MYLK3: variants seen among roughly 807,000 people sequenced by gnomAD.
The protein encoded by MYLK3 is myosin light chain kinase 3, also known as MLC kinase.
In MYLK3, 55 loss-of-function variants were observed where a neutral mutation model predicts 76.3. The ratio of observed to expected loss-of-function variants is 0.72; its 90% CI spans 0.58 to 0.90. The LOEUF is 0.90. Ranked by LOEUF, MYLK3 falls within the 40% of genes least tolerant of loss-of-function variation. MYLK3 has a pLI of 0.00. For missense variants in MYLK3, 973 were observed against 1,053.6 expected (o/e 0.92, Z 1.06); for synonymous variants, 416 against 425.4 (o/e 0.98, Z 0.27).
At chr16:46,758,840 A>G in intron 1 of MYLK3, among the ~76,000 whole-genome samples, 1 of 152,020 alleles carries the variant, frequency 6.6e-6, no homozygotes, top group East Asian at 1.9e-4. Context: ...GTGAGACTGG[A>G]TATAGGCTCG....
intron 1 of MYLK3, among the ~76,000 whole-genome samples, chr16:46,747,046 A>AC (rs1967038625): frequency 6.6e-6 from 1 of 151,968 alleles, no homozygotes; most frequent in African/African-American, 2.4e-5. Flanking sequence ...TAAGTGGCTG[A>AC]CCCCTAGCTG....
rs1966604653 is a variant in MYLK3, at chr16:46,704,328, C to T, written c.*3376G>A. 1 of 152,244 alleles carries T rather than the reference C, an allele frequency of 6.6e-6. No individual in the cohort carries two copies. The highest frequency in any genetic ancestry group is 1.5e-5 in the Non-Finnish European group (1 of 68,070). 9.4% of individuals were successfully genotyped at this position (152,244 alleles called of 1,614,324 possible). A position where few individuals can be genotyped will look rare whatever the true frequency, so the allele number is the denominator to read the frequency against. On this transcript the variant is annotated 3_prime_UTR_variant, in exon 13 of 13. Coordinates refer to ENST00000394809, the MANE Select transcript of MYLK3 (RefSeq NM_182493.3). ...CCATGTTGGCCAGCAATCTGCCCAC[C>T]TTGGCCTCCCAAAGTGCTGGGATTA... is the stretch of plus-strand genomic sequence containing the variant.
At chr16:46,758,357 C>G (rs1287935915) in intron 1 of MYLK3, among the ~76,000 whole-genome samples, 2 of 149,888 alleles carry the variant, frequency 1.3e-5, no homozygotes. Context: ...TTTGGGACCA[C>G]AAATTAACTA....
chr16:46,746,503 C>T (rs1967025864), intron 1 of MYLK3, among the ~76,000 whole-genome samples: 2 of 152,182 alleles, frequency 1.3e-5, no homozygotes, highest in Admixed American at 1.3e-4. Context: ...TCACCGAAGC[C>T]TCCATTTCCA....
chr16:46,747,590 TC>T, intron 1 of MYLK3, 126 bp downstream of exon 1: 1 of 908,158 alleles, frequency 1.1e-6, no homozygotes, highest in African/African-American at 1.7e-5. Context: ...GCTCTCCTTT[TC>T]CCCATCAACA....
intron 10 of MYLK3, 191 bp from the exon 11 acceptor site, chr16:46,710,980 TA>T: frequency 3.1e-6 from 2 of 644,522 alleles, no homozygotes; most frequent in South Asian, 3.9e-5. Context: ...CGGAAGGATT[TA>T]AAATTTGGAG....
At chr16:46,743,982 G>C (rs1344918063) in intron 1 of MYLK3, among the ~76,000 whole-genome samples, 2 of 152,220 alleles carry the variant, frequency 1.3e-5, no homozygotes, top group East Asian at 3.9e-4. Flanking sequence ...AGCTTTAAGA[G>C]ACATATAAAT....
rs992584497 is a variant in MYLK3 at position 46,706,247 on chromosome 16, G to A, written c.*1457C>T. 14 of 149,460 alleles carry A rather than the reference G, an allele frequency of 9.4e-5. No homozygotes were observed. Among genetic ancestry groups the A allele is most frequent in the South Asian group, 2.1e-4 (1 of 4,746 alleles). 9.3% of individuals were successfully genotyped at this position (149,460 alleles called of 1,614,324 possible). A position where few individuals can be genotyped will look rare whatever the true frequency, so the allele number is the denominator to read the frequency against. ...AATACCCATACACACATATGTGTTC[G>A]TGTGTGTGTGTGTTTGTGTGTGTGT... is the stretch of plus-strand genomic sequence containing the variant. On this transcript the variant is annotated 3_prime_UTR_variant, in exon 13 of 13. Transcript: ENST00000394809.
chr16:46,707,734 G>A lies in MYLK3; in HGVS notation c.2430C>T (p.Asn810=), dbSNP rs1245660523. ...KKHFYVVTAA[N]RLRKFPTSP is the part of the protein sequence containing the mutation. Reference sequence around the variant, plus strand: ...GAGAAGTTGGAAATTTCCTTAACCTGTTGGCAGCAGTCACCACATAGAAAT... The same window carrying A: ...GAGAAGTTGGAAATTTCCTTAACCTATTGGCAGCAGTCACCACATAGAAAT... The change falls in exon 13 of 13, where the codon AAC becomes AAT. Residue 810 remains asparagine, a synonymous_variant. Coordinates refer to ENST00000394809, the MANE Select transcript of MYLK3 (RefSeq NM_182493.3). 2 of 1,613,022 alleles carry A rather than the reference G, an allele frequency of 1.2e-6. No homozygotes were observed. The highest frequency in any genetic ancestry group is 2.2e-5 in the East Asian group (1 of 44,868).
intron 4 of MYLK3, among the ~76,000 whole-genome samples, chr16:46,731,256 G>C (rs1170143990): frequency 1.3e-5 from 2 of 152,258 alleles, no homozygotes; most frequent in African/African-American, 2.4e-5. Flanking sequence ...TGGGGAGGGG[G>C]TGGACAGGGG....
intron 1 of MYLK3, chr16:46,762,948 A>G: frequency 2.1e-6 from 2 of 944,564 alleles, no homozygotes; most frequent in Non-Finnish European, 2.5e-6. Context: ...CAGACTCCAA[A>G]AGTGTTTTCT....
chr16:46,747,852 G>A lies in MYLK3; in HGVS notation c.342C>T (p.Leu114=). 3.1e-6 allele frequency: 5 copies of A among 1,614,160 alleles called. No individual in the cohort carries two copies. The highest frequency in any genetic ancestry group is 4.2e-6 in the Non-Finnish European group (5 of 1,180,030). The change falls in exon 1 of 13, where the codon CTC becomes CTT. Residue 114 remains leucine, a synonymous_variant. Coordinates refer to ENST00000394809, the MANE Select transcript of MYLK3 (RefSeq NM_182493.3). ...TGTCCACCGCAGCCACCATCCTGAAGAGGGCCTCCAGCCTGGCACCGTGCT... is the reference window on the plus strand; with the variant it reads ...TGTCCACCGCAGCCACCATCCTGAAAAGGGCCTCCAGCCTGGCACCGTGCT... The part of the protein sequence containing the change: ...AAQHGARLEA[L]FRMVAAVDRA...
Position 46,737,940 on chromosome 16 carries a change from G to C in MYLK3, c.772C>G (p.Leu258Val). 1 of 1,614,218 alleles carries C rather than the reference G, an allele frequency of 6.2e-7. No homozygotes were observed. The highest frequency in any genetic ancestry group is 8.5e-7 in the Non-Finnish European group (1 of 1,180,042). The change falls in exon 3 of 13, where the codon CTC (leucine) becomes GTC (valine). Residue 258 changes from leucine (L) to valine (V), a missense_variant. By Grantham distance (32) the Leu-to-Val change is conservative. Around this residue, in one of 2 missense-constraint regions of MYLK3, gnomAD observed 641 missense variants for 637.0 expected, o/e 1.01. Coordinates refer to ENST00000394809, the MANE Select transcript of MYLK3 (RefSeq NM_182493.3). ...AKAPETPSENLRTGLELAPAP... is the reference protein window; with the variant it reads ...AKAPETPSENVRTGLELAPAP... ...GGAGCCAATTCCAGGCCAGTCCTGAGGTTCTCGCTGGGTGTCTCAGGAGCC... is the reference window on the plus strand; with the variant it reads ...GGAGCCAATTCCAGGCCAGTCCTGACGTTCTCGCTGGGTGTCTCAGGAGCC...
chr16:46,737,982 T>C lies in MYLK3; in HGVS notation c.730A>G (p.Thr244Ala), dbSNP rs146368832. 11 of 1,613,894 alleles carry C rather than the reference T, an allele frequency of 6.8e-6. No homozygotes were observed. Among genetic ancestry groups the C allele is most frequent in the Non-Finnish European group, 9.3e-6 (11 of 1,180,018 alleles). ...QAFPGHLPLP[T>A]KVEAKAPETP... ...TCAGGAGCCTTGGCTTCCACCTTTGTGGGCAGGGGCAGGTGGCCAGGGAAT... is the reference window on the plus strand; with the variant it reads ...TCAGGAGCCTTGGCTTCCACCTTTGCGGGCAGGGGCAGGTGGCCAGGGAAT... The change falls in exon 3 of 13, where the codon ACA (threonine) becomes GCA (alanine). Residue 244 changes from threonine to alanine, a missense_variant. Around this residue, in one of 2 missense-constraint regions of MYLK3, gnomAD observed 641 missense variants for 637.0 expected, o/e 1.01. Transcript: ENST00000394809.
chr16:46,760,551 C>T (rs991845135), intron 1 of MYLK3, among the ~76,000 whole-genome samples: 4 of 152,288 alleles, frequency 2.6e-5, no homozygotes, highest in East Asian at 1.9e-4. Flanking sequence ...GTGGGACAGT[C>T]GCTAACTGCA....
At chr16:46,743,486 G>A (rs1051020649) in intron 1 of MYLK3, among the ~76,000 whole-genome samples, 4 of 152,306 alleles carry the variant, frequency 2.6e-5, no homozygotes, top group African/African-American at 9.6e-5. Flanking sequence ...AACACGGAGG[G>A]AAGCAGAGGC....
chr16:46,751,673 C>A (rs1488177102), upstream of MYLK3, among the ~76,000 whole-genome samples: 1 of 152,156 alleles, frequency 6.6e-6, no homozygotes, highest in Non-Finnish European at 1.5e-5. Context: ...AGGAGGAGGC[C>A]TCAAAGTGAG....
intron 8 of MYLK3, 90 bp downstream of exon 8, chr16:46,727,146 G>A (rs1263204121): frequency 1.3e-5 from 19 of 1,414,650 alleles, no homozygotes; most frequent in Non-Finnish European, 1.8e-5. Flanking sequence ...TGGAAGCTGG[G>A]ACTGTCTGTG....
chr16:46,732,301 C>G lies in MYLK3; in HGVS notation c.1369G>C (p.Glu457Gln). The change falls in exon 4 of 13, where the codon GAG (glutamate) becomes CAG (glutamine). Residue 457 changes from glutamate (E) to glutamine (Q), a missense_variant. Transcript: ENST00000394809. ...QGKSPGAGNPEPEQDCAARAP... is the reference protein window; with the variant it reads ...QGKSPGAGNPQPEQDCAARAP... ...CTGGCTGCACAGTCCTGCTCAGGCT[C>G]AGGGTTTCCCGCCCCTGGGCTTTTG... 1.2e-6 allele frequency: 2 copies of G among 1,610,682 alleles called. No individual in the cohort carries two copies. Among genetic ancestry groups the G allele is most frequent in the South Asian group, 1.1e-5 (1 of 91,086 alleles).
Sources: allele counts gnomAD v4.1 joint callset (sites outside exome capture counted in the v4.1 genomes callset), GRCh38; gene constraint gnomAD v4.1.1; regional missense constraint gnomAD v4.1.1; transcripts MANE v1.5; gene names NCBI Gene and HGNC (gene_info 2026-07-23, HGNC 2026-07-21).